P3H2: variants seen among roughly 807,000 people sequenced by gnomAD.
P3H2 encodes leprecan-like 1.
P3H2 carries 80 observed loss-of-function variants against 87.0 expected under a neutral mutation model. The observed-to-expected ratio is 0.92, with a 90% CI of 0.77 to 1.11. The LOEUF is 1.11. Ranked by LOEUF, P3H2 falls within the 50% of genes least tolerant of loss-of-function variation. P3H2 has a pLI of 0.00. For missense variants in P3H2, 1,001 were observed against 923.9 expected (o/e 1.08, Z -1.08); for synonymous variants, 367 against 359.3 (o/e 1.02, Z -0.24).
intron 13 of P3H2, chr3:189,969,899 C>T (rs1215445142): frequency 1.7e-5 from 16 of 942,054 alleles, no homozygotes; most frequent in South Asian, 6.5e-5. Flanking sequence ...GGCGAGCACT[C>T]GGGACTAAGG....
rs1489172498 is a variant in P3H2, at chr3:189,973,959, G to A, written c.1498C>T (p.His500Tyr). The A allele has an allele frequency of 4.3e-6, 7 of 1,613,966 alleles. No homozygotes were observed. ...GDGYRGKTSP[H>Y]TPNEKFEGAT... ...CCTTCAAACTTTTCATTGGGTGTATGGGGTGAAGTTTTTCCTCTGTATCCA... is the reference window on the plus strand; with the variant it reads ...CCTTCAAACTTTTCATTGGGTGTATAGGGTGAAGTTTTTCCTCTGTATCCA... The change falls in exon 10 of 15, where the codon CAT becomes TAT. Residue 500 changes from histidine to tyrosine, a missense_variant. By Grantham distance (83) the His-to-Tyr change is moderately conservative (BLOSUM62 2). Coordinates refer to ENST00000319332, the MANE Select transcript of P3H2 (RefSeq NM_018192.4).
intron 1 of P3H2, among the ~76,000 whole-genome samples, chr3:190,073,493 G>C (rs1726772292): frequency 6.6e-6 from 1 of 152,164 alleles, no homozygotes; most frequent in Non-Finnish European, 1.5e-5. Flanking sequence ...CTTGAGCATA[G>C]ATGGTAAGAG....
intron 1 of P3H2, among the ~76,000 whole-genome samples, chr3:190,041,984 C>T (rs956087899): frequency 6.6e-6 from 1 of 152,152 alleles, no homozygotes; most frequent in Admixed American, 6.5e-5. Context: ...ACACATTCCC[C>T]ACGGGGCAAT....
chr3:190,033,180 C>G (rs142639741), intron 1 of P3H2, among the ~76,000 whole-genome samples: 22 of 152,252 alleles, frequency 1.4e-4, no homozygotes, highest in Non-Finnish European at 2.2e-4. Context: ...GTAATGCAGG[C>G]GGTGGAGAGC....
At chr3:190,108,890 C>G (rs759333414) in intron 1 of P3H2, among the ~76,000 whole-genome samples, 2 of 152,100 alleles carry the variant, frequency 1.3e-5, no homozygotes, top group African/African-American at 2.4e-5. Context: ...GGTAAATATT[C>G]AGTGTTGTAC....
intron 1 of P3H2, among the ~76,000 whole-genome samples, chr3:190,078,845 G>A (rs564926045): frequency 2.6e-5 from 4 of 152,148 alleles, no homozygotes; most frequent in Non-Finnish European, 5.9e-5. Flanking sequence ...AGAAATCCGT[G>A]TGGATGCCCT....
intron 1 of P3H2, among the ~76,000 whole-genome samples, chr3:190,025,277 CATT>C (rs756704718): frequency 6.6e-6 from 1 of 152,026 alleles, no homozygotes. Context: ...AAGTCCATAA[CATT>C]ATTATCTTTT....
chr3:190,096,949 A>G (rs1430590591), intron 1 of P3H2, among the ~76,000 whole-genome samples: 2 of 152,234 alleles, frequency 1.3e-5, no homozygotes, highest in African/African-American at 4.8e-5. Context: ...TGTGTCTACA[A>G]AGAACTTCAA....
In P3H2 at chr3:189,974,672, G is replaced by C. The variant is rs762242531; in HGVS notation, c.1338C>G (p.Leu446=). ...DRDLREGGPL[L]YENITFVYNS... is the part of the protein sequence containing the mutation. ...TGTAGACGAATGTGATGTTCTCATAGAGTAGAGGACCACCTACAGGAACAG... is the reference window on the plus strand; with the variant it reads ...TGTAGACGAATGTGATGTTCTCATACAGTAGAGGACCACCTACAGGAACAG... The change falls in exon 9 of 15, where the codon CTC becomes CTG. Residue 446 remains leucine (L), a synonymous_variant. Transcript: ENST00000319332. The C allele has an allele frequency of 3.1e-6, 5 of 1,614,098 alleles. No individual in the cohort carries two copies. In the African/African-American group the frequency reaches 6.7e-5, roughly 22 times the overall value.
At chr3:190,049,789 T>C (rs1725919475) in intron 1 of P3H2, among the ~76,000 whole-genome samples, 1 of 152,218 alleles carries the variant, frequency 6.6e-6, no homozygotes, top group South Asian at 2.1e-4. Context: ...ATCAAAGTTA[T>C]CTGGTTCACC....
At chr3:189,989,126 C>T in intron 3 of P3H2, 88 bp from the exon 4 acceptor site, 1 of 1,491,874 alleles carries the variant, frequency 6.7e-7, no homozygotes. Flanking sequence ...CAGGTCATTC[C>T]TCACCTCACC....
intron 1 of P3H2, among the ~76,000 whole-genome samples, chr3:190,027,747 C>G (rs1279813483): frequency 6.6e-6 from 1 of 150,524 alleles, no homozygotes; most frequent in Non-Finnish European, 1.5e-5. Context: ...ATATTATTTT[C>G]TATCACTCAC....
chr3:189,987,404 G>C, intron 5 of P3H2, 123 bp downstream of exon 5: 1 of 1,090,410 alleles, frequency 9.2e-7, no homozygotes. Flanking sequence ...GCTTGAACCC[G>C]GGAGGCGGAG....
intron 1 of P3H2, among the ~76,000 whole-genome samples, chr3:190,090,993 A>G (rs1388894145): frequency 6.6e-6 from 1 of 152,174 alleles, no homozygotes; most frequent in Non-Finnish European, 1.5e-5. Context: ...ATCTCTCAAA[A>G]CTATGAACAA....
chr3:190,024,027 A>G (rs138362923), intron 1 of P3H2, among the ~76,000 whole-genome samples: 38 of 152,282 alleles, frequency 2.5e-4, no homozygotes, highest in African/African-American at 9.1e-4. Context: ...TATGTGCTTT[A>G]GAGGATATAC....
chr3:190,025,012 A>G (rs1157464709), intron 1 of P3H2, among the ~76,000 whole-genome samples: 1 of 152,080 alleles, frequency 6.6e-6, no homozygotes, highest in Non-Finnish European at 1.5e-5. Flanking sequence ...TTTTAAAAAG[A>G]CTCTTAAAGG....
intron 1 of P3H2, among the ~76,000 whole-genome samples, chr3:190,021,033 C>T (rs1345060636): frequency 7.5e-6 from 1 of 133,636 alleles, no homozygotes; most frequent in African/African-American, 2.6e-5. Context: ...AATCTGAGAC[C>T]CCAGGACCCT....
At chr3:189,976,760 C>T (rs949589736) in intron 8 of P3H2, among the ~76,000 whole-genome samples, 1 of 152,108 alleles carries the variant, frequency 6.6e-6, no homozygotes, top group Admixed American at 6.5e-5. Flanking sequence ...CCTTAGATAA[C>T]CCCTAATTGC....
At chr3:189,977,202 T>C (rs375718384) in intron 8 of P3H2, among the ~76,000 whole-genome samples, 18 of 152,204 alleles carry the variant, frequency 1.2e-4, no homozygotes, top group Admixed American at 9.2e-4. Context: ...AACTTACTTC[T>C]AAACAGTAGA....
Sources: gnomAD v4.1 joint callset for allele counts (sites outside exome capture counted in the v4.1 genomes callset) on GRCh38, gnomAD v4.1.1 for gene constraint, MANE v1.5 for transcripts, NCBI Gene and HGNC (gene_info 2026-07-23, HGNC 2026-07-21) for gene names.